TENM3: variants seen among roughly 807,000 people sequenced by gnomAD.
TENM3 encodes teneurin-3.
A neutral mutation model predicts 255.1 loss-of-function variants in TENM3; 63 were observed. The observed-to-expected ratio is 0.25, with a 90% CI of 0.20 to 0.30. TENM3 has a LOEUF of 0.30. TENM3 is among the 10% of genes least tolerant of loss of function. The probability of loss-of-function intolerance (pLI) is 1.00; values close to 1 mark genes in which losing one functional copy is unlikely to be tolerated. For synonymous variants in TENM3, 1,306 were observed against 1,322.3 expected (o/e 0.99, Z 0.27); for missense variants, 2,929 against 3,461.1 (o/e 0.85, Z 3.86).
the TENM3 span, among the ~76,000 whole-genome samples, chr4:181,661,563 C>G: frequency 3.3e-5 from 5 of 152,102 alleles, no homozygotes; most frequent in African/African-American, 1.2e-4. Flanking sequence ...CCAAAGGACA[C>G]AGAAAGTCTT....
the TENM3 span, among the ~76,000 whole-genome samples, chr4:181,475,891 T>C: frequency 5.3e-5 from 8 of 152,336 alleles, no homozygotes; most frequent in Non-Finnish European, 7.3e-5. Context: ...GTTCTCCTTT[T>C]CCTTGGCTCT....
the TENM3 span, among the ~76,000 whole-genome samples, chr4:181,850,711 A>C: frequency 1.3e-5 from 2 of 152,274 alleles, no homozygotes; most frequent in Non-Finnish European, 2.9e-5. Context: ...CTACATTTTA[A>C]ATTTTAATAT....
At chr4:182,360,901 T>C (rs1765923453) in intron 3 of TENM3, among the ~76,000 whole-genome samples, 1 of 152,326 alleles carries the variant, frequency 6.6e-6, no homozygotes, top group African/African-American at 2.4e-5. Context: ...TCAGGAGCTC[T>C]TTTAGGGCAG....
chr4:182,730,282 C>T lies in TENM3; in HGVS notation c.2668C>T (p.Pro890Ser). The T allele has an allele frequency of 6.2e-7, 1 of 1,613,702 alleles. No homozygotes were observed. Among genetic ancestry groups the T allele is most frequent in the Non-Finnish European group, 8.5e-7 (1 of 1,179,776 alleles). Reference protein sequence around the residue: ...IGVNVSFFHYPEYGYTITRQD... With the variant: ...IGVNVSFFHYSEYGYTITRQD... ...AGTAAATGTCTCGTTTTTCCATTAC[C>T]CAGAATATGGATATACTATTACCCG... Residue 890 changes from proline to serine, a missense_variant, in exon 15 of 28, where the codon CCA becomes TCA. By Grantham distance (74) the Pro-to-Ser change is moderately conservative. This residue lies in a region of TENM3 where 1,608 missense variants were observed against 1,884.4 expected (regional missense o/e 0.85). Coordinates refer to ENST00000511685, the MANE Select transcript of TENM3 (RefSeq NM_001080477.4).
the TENM3 span, among the ~76,000 whole-genome samples, chr4:181,488,794 A>C: frequency 6.6e-6 from 1 of 152,210 alleles, no homozygotes. Flanking sequence ...TGGCAGGTTG[A>C]ATGCACACAG....
the TENM3 span, among the ~76,000 whole-genome samples, chr4:181,725,182 T>C: frequency 6.6e-6 from 1 of 152,188 alleles, no homozygotes; most frequent in Non-Finnish European, 1.5e-5. Context: ...TTACTGCCCA[T>C]CTTTTGCTTT....
At chr4:181,785,197 G>A in the TENM3 span, among the ~76,000 whole-genome samples, 1 of 152,138 alleles carries the variant, frequency 6.6e-6, no homozygotes, top group South Asian at 2.1e-4. Context: ...CCAGGCAGGA[G>A]AACAAGAATA....
In TENM3 at chr4:182,643,096, C is replaced by T. The variant is rs530095905; in HGVS notation, c.989-10675C>T. Among the ~76,000 whole-genome samples, 35 of 152,222 alleles carry T rather than the reference C, an allele frequency of 2.3e-4. 1 individual carries two copies. The South Asian group carries it at 3.5e-3, about 15-fold the overall frequency. On this transcript the variant is annotated intron_variant, in intron 5 of 27. Transcript: ENST00000511685. ...AGTTACAAACTGCAGTCTTCACATGCGATACTTTCATTTTACATTGAAAGC... is the reference window on the plus strand; with the variant it reads ...AGTTACAAACTGCAGTCTTCACATGTGATACTTTCATTTTACATTGAAAGC...
the TENM3 span, among the ~76,000 whole-genome samples, chr4:181,488,124 G>C: frequency 5.8e-4 from 88 of 152,296 alleles, no homozygotes; most frequent in African/African-American, 1.9e-3. Context: ...TCTTGGCTTT[G>C]TACTGAGCCT....
At chr4:181,511,087 C>T in the TENM3 span, among the ~76,000 whole-genome samples, 1 of 152,052 alleles carries the variant, frequency 6.6e-6, no homozygotes, top group African/African-American at 2.4e-5. Context: ...GTCGCTGGAA[C>T]CAGGGATGCC....
chr4:181,698,519 A>T, the TENM3 span, among the ~76,000 whole-genome samples: 2 of 152,210 alleles, frequency 1.3e-5, no homozygotes, highest in Non-Finnish European at 2.9e-5. Context: ...TTCATCCAGA[A>T]TAGTAGCCCT....
intron 1 of TENM3, among the ~76,000 whole-genome samples, chr4:182,262,754 C>T (rs1267107822): frequency 6.7e-6 from 1 of 148,170 alleles, no homozygotes; most frequent in Non-Finnish European, 1.5e-5. Context: ...CGGAATCTCG[C>T]CCAGGCTGGA....
upstream of TENM3, chr4:182,144,160 T>C (rs1749692759): frequency 6.5e-6 from 1 of 152,940 alleles, no homozygotes; most frequent in Non-Finnish European, 1.5e-5. Context: ...GGGAAGCGCA[T>C]GGTAGGCTCC....
At chr4:182,780,239 G>T (rs1270417681) in intron 24 of TENM3, among the ~76,000 whole-genome samples, 1 of 148,192 alleles carries the variant, frequency 6.7e-6, no homozygotes, top group African/African-American at 2.5e-5. Flanking sequence ...TGTATAAGGT[G>T]TAAGGAAGGG....
chr4:181,462,798 A>G, the TENM3 span, among the ~76,000 whole-genome samples: 1 of 152,184 alleles, frequency 6.6e-6, no homozygotes, highest in Non-Finnish European at 1.5e-5. Context: ...GGATTCCATC[A>G]ATGATGACAC....
At chr4:182,239,479 T>C (rs191484195), upstream of TENM3, among the ~76,000 whole-genome samples, 40 of 152,366 alleles carry the variant, frequency 2.6e-4, no homozygotes, top group East Asian at 6.4e-3. Flanking sequence ...AAAATATATT[T>C]TGTTTCTAAA....
chr4:181,673,883 TG>T, the TENM3 span, among the ~76,000 whole-genome samples: 2 of 149,814 alleles, frequency 1.3e-5, no homozygotes, highest in African/African-American at 5.1e-5. Flanking sequence ...TGTGTGTGTG[TG>T]TGTGTGTTTT....
chr4:182,216,362 C>T (rs912480257), intron 1 of TENM3, among the ~76,000 whole-genome samples: 8 of 152,346 alleles, frequency 5.3e-5, no homozygotes, highest in African/African-American at 1.4e-4. Flanking sequence ...AATTTCGGCT[C>T]GTTCAGTTTC....
the TENM3 span, among the ~76,000 whole-genome samples, chr4:181,993,194 C>T: frequency 6.6e-6 from 1 of 152,208 alleles, no homozygotes. Flanking sequence ...CTGTCTTATC[C>T]AGCATGCGCA....
Sources: allele counts gnomAD v4.1 joint callset (sites outside exome capture counted in the v4.1 genomes callset), GRCh38; gene constraint gnomAD v4.1.1; regional missense constraint gnomAD v4.1.1; transcripts MANE v1.5; gene names NCBI Gene and HGNC (gene_info 2026-07-23, HGNC 2026-07-21).